ABCB11: variants seen among roughly 807,000 people sequenced by gnomAD.
ABCB11 encodes the protein ATP binding cassette subfamily B member 11, also known as bile salt export pump.
Under a neutral mutation model 148.0 loss-of-function variants are expected in ABCB11, and 95 were observed. That is an observed-to-expected ratio of 0.64 (90% confidence interval 0.54 to 0.76). The LOEUF is 0.76. ABCB11 is among the 30% of genes least tolerant of loss of function. The pLI is 0.00. For missense variants in ABCB11, 1,523 were observed against 1,617.8 expected, an observed-to-expected ratio of 0.94 and a Z score of 1.01; for synonymous variants, 591 against 555.4, an observed-to-expected ratio of 1.06 and a Z score of -0.90.
At chr2:168,944,287 G>A (rs6724525) in intron 21 of ABCB11, among the ~76,000 whole-genome samples, 4,302 of 152,024 alleles carry the variant, frequency 0.028, 127 homozygotes, top group African/African-American at 0.075. Context: ...CCCCCTGGGG[G>A]GCAGTATTGA....
intron 11 of ABCB11, among the ~76,000 whole-genome samples, chr2:168,977,442 T>C (rs1693957554): frequency 6.6e-6 from 1 of 152,140 alleles, no homozygotes; most frequent in African/African-American, 2.4e-5. Flanking sequence ...CTTTCAATTG[T>C]TGTCCTGAAT....
intron 19 of ABCB11, among the ~76,000 whole-genome samples, chr2:168,954,794 T>C (rs997990693): frequency 3.3e-5 from 5 of 151,676 alleles, no homozygotes; most frequent in Non-Finnish European, 7.4e-5. Context: ...AGGTTGTTAT[T>C]GATGATTTTT....
intron 17 of ABCB11, among the ~76,000 whole-genome samples, chr2:168,966,080 C>T (rs1436639731): frequency 1.3e-5 from 2 of 151,808 alleles, no homozygotes; most frequent in African/African-American, 2.4e-5. Context: ...AGACTCCCTC[C>T]CACCTAGCCT....
intron 19 of ABCB11, among the ~76,000 whole-genome samples, chr2:168,950,521 G>A (rs1219594288): frequency 6.6e-6 from 1 of 151,402 alleles, no homozygotes; most frequent in African/African-American, 2.4e-5. Flanking sequence ...TAATTTACAT[G>A]TCTATGATGA....
At chr2:168,930,643 T>C in intron 25 of ABCB11, 22 bp downstream of exon 25, 1 of 1,469,950 alleles carries the variant, frequency 6.8e-7, no homozygotes, top group Non-Finnish European at 9.1e-7. Flanking sequence ...GGCAAAATTC[T>C]CAAAAAGGTT....
intron 19 of ABCB11, among the ~76,000 whole-genome samples, chr2:168,956,353 CTTG>C (rs1272433748): frequency 6.6e-6 from 1 of 151,698 alleles, no homozygotes; most frequent in Non-Finnish European, 1.5e-5. Flanking sequence ...TTGCTGGACA[CTTG>C]TTGTGGTCCT....
intron 14 of ABCB11, among the ~76,000 whole-genome samples, chr2:168,971,117 CTTG>C (rs1693561318): frequency 6.6e-6 from 1 of 151,958 alleles, no homozygotes; most frequent in East Asian, 2.0e-4. Flanking sequence ...TTACCATTTA[CTTG>C]TTGTATAATC....
In ABCB11 at chr2:168,936,248, G is replaced by A. The variant is rs1691819121; in HGVS notation, c.2796C>T (p.Ala932=). ...LTGFASRDKQ[A]LEMVGQITNE... ...AGATTACCTGTCCCACCATCTCCAG[G>A]GCCTGCTTATCTCGAGAGGCAAATC... The change falls in exon 22 of 28, where the codon GCC becomes GCT. Residue 932 remains alanine (A), a synonymous_variant. Coordinates refer to ENST00000650372, the MANE Select transcript of ABCB11 (RefSeq NM_003742.4). 1 of 1,613,622 alleles carries A rather than the reference G, an allele frequency of 6.2e-7. No homozygotes were observed. The highest frequency in any genetic ancestry group is 8.5e-7 in the Non-Finnish European group (1 of 1,179,728).
At chr2:169,016,430 C>G (rs1695358672) in intron 3 of ABCB11, among the ~76,000 whole-genome samples, 1 of 152,100 alleles carries the variant, frequency 6.6e-6, no homozygotes, top group Admixed American at 6.6e-5. Context: ...AATAATGACA[C>G]TTTAGGTCTC....
At chr2:168,924,591 A>C in intron 27 of ABCB11, 66 bp downstream of exon 27, 1 of 1,523,772 alleles carries the variant, frequency 6.6e-7, no homozygotes, top group South Asian at 1.2e-5. Context: ...CCATTTTATT[A>C]AGGACAAATT....
At chr2:169,027,570 G>A (rs1184311176) in intron 1 of ABCB11, among the ~76,000 whole-genome samples, 1 of 152,200 alleles carries the variant, frequency 6.6e-6, no homozygotes, top group Non-Finnish European at 1.5e-5. Flanking sequence ...TCACTGCTGG[G>A]GAGGAGGGGA....
intron 18 of ABCB11, among the ~76,000 whole-genome samples, chr2:168,959,934 CAAAAAAA>C (rs375450217): frequency 4.5e-4 from 39 of 87,190 alleles, no homozygotes; most frequent in African/African-American, 9.3e-4. Context: ...ACTGCATCTC[CAAAAAAA>C]AAAAAAAAAA....
intron 17 of ABCB11, 68 bp from the exon 18 acceptor site, chr2:168,964,376 C>G: frequency 1.6e-6 from 2 of 1,217,986 alleles, no homozygotes; most frequent in Non-Finnish European, 2.3e-6. Flanking sequence ...AACTGGTGTC[C>G]AAGTTTACAT....
intron 15 of ABCB11, 35 bp downstream of exon 15, chr2:168,970,010 A>G (rs765808692): frequency 3.2e-6 from 5 of 1,575,752 alleles, no homozygotes; most frequent in South Asian, 2.2e-5. Flanking sequence ...GCATTTCCAC[A>G]TGGACCTGTA....
At chr2:169,007,176 T>C (rs1558923436) in intron 5 of ABCB11, among the ~76,000 whole-genome samples, 1 of 152,100 alleles carries the variant, frequency 6.6e-6, no homozygotes, top group African/African-American at 2.4e-5. Flanking sequence ...TGGAATAGCA[T>C]TGAGAGTCCA....
At chr2:169,025,748 G>A (rs753586397) in intron 1 of ABCB11, among the ~76,000 whole-genome samples, 51 of 152,278 alleles carry the variant, frequency 3.3e-4, no homozygotes, top group Non-Finnish European at 5.3e-4. Context: ...TAAATCATGC[G>A]TCTCTATGCC....
In ABCB11 at chr2:168,921,494, A is replaced by T. The variant is rs570919030; in HGVS notation, c.*2128T>A. Among the ~76,000 whole-genome samples, 1 of 152,008 alleles carries T rather than the reference A, an allele frequency of 6.6e-6. No homozygotes were observed. The highest frequency in any genetic ancestry group is 1.9e-4 in the East Asian group (1 of 5,184). ...TTCTGTGACAAGAGCTCTTTTTTGTATGTTCACTTTTATTGATTCCTGTTT... is the reference window on the plus strand; with the variant it reads ...TTCTGTGACAAGAGCTCTTTTTTGTTTGTTCACTTTTATTGATTCCTGTTT... On this transcript the variant is annotated 3_prime_UTR_variant, in exon 28 of 28. Transcript: ENST00000650372.
In ABCB11 at chr2:168,921,053, T is replaced by A. The variant is rs549816993; in HGVS notation, c.*2569A>T. Among the ~76,000 whole-genome samples, 7 of 152,356 alleles carry A rather than the reference T, an allele frequency of 4.6e-5. No individual in the cohort carries two copies. The South Asian group carries it at 6.2e-4, about 14-fold the overall frequency. On this transcript the variant is annotated 3_prime_UTR_variant, in exon 28 of 28. Transcript: ENST00000650372. ...GAAATGCAAACCAAAACAAGAGCTT[T>A]AGTCTTTCATCAAAATTAGAGGATT...
chr2:168,946,143 AAT>A (rs1470514350), intron 19 of ABCB11, among the ~76,000 whole-genome samples: 3 of 151,926 alleles, frequency 2.0e-5, no homozygotes, highest in Non-Finnish European at 4.4e-5. Context: ...GAACCTTTGT[AAT>A]TTAGGCCAGG....
Sources: gnomAD v4.1 joint callset for allele counts (sites outside exome capture counted in the v4.1 genomes callset) on GRCh38, gnomAD v4.1.1 for gene constraint, MANE v1.5 for transcripts, NCBI Gene and HGNC (gene_info 2026-07-23, HGNC 2026-07-21) for gene names.